The following MAGI1 variants were observed in gnomAD, a reference collection of about 807,000 sequenced individuals.
MAGI1 encodes the protein membrane-associated guanylate kinase, WW and PDZ domain-containing protein 1.
Under a neutral mutation model 139.9 loss-of-function variants are expected in MAGI1, and 58 were observed. The observed-to-expected ratio is 0.41, with a 90% CI of 0.34 to 0.52. The LOEUF (loss-of-function observed/expected upper bound fraction) is 0.52, where lower values mean the gene tolerates loss of function less well. MAGI1 is among the 20% of genes least tolerant of loss of function. The pLI is 0.12. For missense variants in MAGI1, 1,874 were observed against 1,901.6 expected (o/e 0.99, Z 0.27); for synonymous variants, 812 against 737.9 (o/e 1.10, Z -1.63).
At chr3:65,422,962 G>T (rs1946737229) in intron 12 of MAGI1, among the ~76,000 whole-genome samples, 1 of 152,148 alleles carries the variant, frequency 6.6e-6, no homozygotes, top group African/African-American at 2.4e-5. Context: ...AAGCACTGTA[G>T]CTGGAGGGCA....
intron 7 of MAGI1, 51 bp from the exon 8 acceptor site, chr3:65,442,900 C>T: frequency 2.1e-6 from 3 of 1,448,728 alleles, no homozygotes; most frequent in Non-Finnish European, 2.9e-6. Context: ...CTTGAAGAGC[C>T]TGGGTGTTTT....
chr3:65,536,320 C>G (rs1178109782), intron 2 of MAGI1, among the ~76,000 whole-genome samples: 2 of 152,130 alleles, frequency 1.3e-5, no homozygotes, highest in African/African-American at 4.8e-5. Flanking sequence ...ATCGGAAGGT[C>G]TCAGGAAACC....
intron 1 of MAGI1, among the ~76,000 whole-genome samples, chr3:65,944,577 A>G (rs2063468419): frequency 6.6e-6 from 1 of 151,996 alleles, no homozygotes; most frequent in Non-Finnish European, 1.5e-5. Flanking sequence ...CCTTTTTTTG[A>G]GAAAAAGAAC....
chr3:65,956,570 C>T (rs2064137309), intron 1 of MAGI1, among the ~76,000 whole-genome samples: 1 of 152,136 alleles, frequency 6.6e-6, no homozygotes, highest in Non-Finnish European at 1.5e-5. Flanking sequence ...TTAAAAAATT[C>T]AAAGTAGGCA....
intron 1 of MAGI1, among the ~76,000 whole-genome samples, chr3:65,733,146 C>T (rs1228984522): frequency 2.6e-5 from 4 of 152,256 alleles, no homozygotes; most frequent in Admixed American, 2.0e-4. Context: ...GCAACCTCCG[C>T]CTCCTGGGTT....
chr3:65,373,334 T>A (rs2106824584), intron 18 of MAGI1, among the ~76,000 whole-genome samples: 1 of 152,312 alleles, frequency 6.6e-6, no homozygotes, highest in East Asian at 1.9e-4. Context: ...TGACATTTAT[T>A]GTTTGTCATC....
intron 1 of MAGI1, among the ~76,000 whole-genome samples, chr3:65,787,994 C>A (rs929883159): frequency 6.6e-6 from 1 of 152,158 alleles, no homozygotes; most frequent in Non-Finnish European, 1.5e-5. Flanking sequence ...GGGAGTCATC[C>A]CTGCAATGGC....
chr3:65,808,288 G>C (rs781767493), intron 1 of MAGI1, among the ~76,000 whole-genome samples: 38 of 152,038 alleles, frequency 2.5e-4, no homozygotes, highest in Non-Finnish European at 4.6e-4. Flanking sequence ...CCCAGCTGAG[G>C]TCAGGACTTC....
intron 1 of MAGI1, among the ~76,000 whole-genome samples, chr3:65,637,956 TAG>T (rs1486617927): frequency 6.6e-6 from 1 of 152,174 alleles, no homozygotes; most frequent in Non-Finnish European, 1.5e-5. Flanking sequence ...TAGCCTAGAA[TAG>T]AGTCTCTTGG....
intron 1 of MAGI1, among the ~76,000 whole-genome samples, chr3:65,967,898 G>A (rs2064835038): frequency 6.6e-6 from 1 of 152,208 alleles, no homozygotes; most frequent in Non-Finnish European, 1.5e-5. Flanking sequence ...TAAAGGGGAG[G>A]AGGCGTGAGT....
chr3:65,530,339 C>T (rs2078585873), intron 2 of MAGI1, among the ~76,000 whole-genome samples: 5 of 152,018 alleles, frequency 3.3e-5, no homozygotes. Context: ...TCCTCCAGAA[C>T]CATATAGCAC....
intron 1 of MAGI1, among the ~76,000 whole-genome samples, chr3:66,020,947 C>T (rs1009452930): frequency 5.3e-5 from 8 of 152,020 alleles, no homozygotes; most frequent in African/African-American, 1.9e-4. Context: ...GGTAAATGTA[C>T]CGATTAAAAA....
intron 17 of MAGI1, among the ~76,000 whole-genome samples, chr3:65,377,371 G>A (rs1942635795): frequency 6.6e-6 from 1 of 152,210 alleles, no homozygotes; most frequent in Non-Finnish European, 1.5e-5. Context: ...GCAGGTCTGA[G>A]GAAAGCTCAG....
At chr3:65,581,323 G>A (rs879491066) in intron 2 of MAGI1, among the ~76,000 whole-genome samples, 4 of 151,874 alleles carry the variant, frequency 2.6e-5, no homozygotes, top group Non-Finnish European at 5.9e-5. Context: ...ACATGAATAA[G>A]AGAATTTTAC....
At chr3:65,910,855 C>CATTTTTTTT in intron 1 of MAGI1, among the ~76,000 whole-genome samples, 1 of 59,480 alleles carries the variant, frequency 1.7e-5, no homozygotes, top group East Asian at 7.5e-4. Context: ...ACATGGTGGA[C>CATTTTTTTT]TTTTTTTTTT....
chr3:65,810,322 T>G (rs2041144394), intron 1 of MAGI1, among the ~76,000 whole-genome samples: 1 of 152,228 alleles, frequency 6.6e-6, no homozygotes, highest in Non-Finnish European at 1.5e-5. Flanking sequence ...GCCTCTCTCT[T>G]TTATCCAGTC....
At chr3:65,406,473 C>G (rs1425195149) in intron 12 of MAGI1, among the ~76,000 whole-genome samples, 1 of 152,152 alleles carries the variant, frequency 6.6e-6, no homozygotes, top group Non-Finnish European at 1.5e-5. Context: ...CAAAATGGAT[C>G]TACGCATAAG....
At chr3:65,390,515 A>ATGAGGGT (rs1006980911) in intron 14 of MAGI1, among the ~76,000 whole-genome samples, 2 of 152,212 alleles carry the variant, frequency 1.3e-5, no homozygotes, top group African/African-American at 2.4e-5. Flanking sequence ...CATAATAAAA[A>ATGAGGGT]GACGTTAAAC....
intron 2 of MAGI1, among the ~76,000 whole-genome samples, chr3:65,582,780 A>T (rs188430858): frequency 2.5e-3 from 386 of 152,278 alleles, no homozygotes; most frequent in African/African-American, 8.2e-3. Context: ...CATGACTGTT[A>T]AAGGTTTTGC....
Sources: gnomAD v4.1 joint callset for allele counts (sites outside exome capture counted in the v4.1 genomes callset) on GRCh38, gnomAD v4.1.1 for gene constraint, MANE v1.5 for transcripts, NCBI Gene and HGNC (gene_info 2026-07-23, HGNC 2026-07-21) for gene names.